PPP1R16B: variants seen among roughly 807,000 people sequenced by gnomAD.
PPP1R16B encodes the protein protein phosphatase 1 regulatory inhibitor subunit 16B.
PPP1R16B carries 14 observed loss-of-function variants against 61.7 expected under a neutral mutation model. The observed-to-expected ratio is 0.23, with a 90% confidence interval of 0.15 to 0.35. The LOEUF (loss-of-function observed/expected upper bound fraction) is 0.35. PPP1R16B is among the 10% of genes least tolerant of loss of function. PPP1R16B has a pLI of 1.00. For missense variants in PPP1R16B, 547 were observed against 752.5 expected, an observed-to-expected ratio of 0.73 and a Z score of 3.19; for synonymous variants, 266 against 305.3, an observed-to-expected ratio of 0.87 and a Z score of 1.34.
chr20:38,852,884 C>T (rs1311907366), intron 2 of PPP1R16B, among the ~76,000 whole-genome samples: 1 of 151,212 alleles, frequency 6.6e-6, no homozygotes, highest in Non-Finnish European at 1.5e-5. Context: ...AGTGATTTTC[C>T]TGTCTCCGTC....
chr20:38,894,285 C>T (rs867604484), intron 3 of PPP1R16B, among the ~76,000 whole-genome samples: 1 of 152,190 alleles, frequency 6.6e-6, no homozygotes, highest in Non-Finnish European at 1.5e-5. Flanking sequence ...CCTACACCCA[C>T]GCCCACAGCC....
At chr20:38,905,868 G>T in intron 6 of PPP1R16B, 101 bp from the exon 7 acceptor site, 2 of 1,195,718 alleles carry the variant, frequency 1.7e-6, no homozygotes, top group South Asian at 1.5e-5. Context: ...CATTCTACTG[G>T]CCCCAAGGAT....
intron 1 of PPP1R16B, among the ~76,000 whole-genome samples, chr20:38,820,284 C>T (rs978471834): frequency 1.3e-5 from 2 of 152,148 alleles, no homozygotes; most frequent in Non-Finnish European, 2.9e-5. Flanking sequence ...GCTGGCCGGG[C>T]GCAGTGGCTC....
chr20:38,878,068 G>A (rs1339574661), intron 2 of PPP1R16B, among the ~76,000 whole-genome samples: 4 of 146,428 alleles, frequency 2.7e-5, no homozygotes, highest in East Asian at 2.0e-4. Context: ...ATCTTGCTTC[G>A]TGATTTGTGG....
intron 2 of PPP1R16B, among the ~76,000 whole-genome samples, chr20:38,865,755 G>GCTT (rs1337321559): frequency 6.6e-6 from 1 of 152,164 alleles, no homozygotes; most frequent in African/African-American, 2.4e-5. Context: ...CGGGTCTCCT[G>GCTT]CTTCTGGTGT....
At chr20:38,815,008 A>G (rs2145704768) in intron 1 of PPP1R16B, among the ~76,000 whole-genome samples, 2 of 152,318 alleles carry the variant, frequency 1.3e-5, no homozygotes, top group Middle Eastern at 6.8e-3. Context: ...TTATAAAAAT[A>G]TAGGGAAGAT....
At chr20:38,900,786 C>G (rs2085386660) in intron 5 of PPP1R16B, 102 bp downstream of exon 5, 2 of 829,292 alleles carry the variant, frequency 2.4e-6, no homozygotes, top group Non-Finnish European at 3.6e-6. Flanking sequence ...ATCGGCCTGC[C>G]TCGTGCGCTG....
chr20:38,900,892 A>G (rs552006766), intron 5 of PPP1R16B, among the ~76,000 whole-genome samples: 1 of 152,246 alleles, frequency 6.6e-6, no homozygotes. Flanking sequence ...GCTGCGCAGA[A>G]GGGAGGTATT....
At chr20:38,828,056 T>C (rs2084814993) in intron 1 of PPP1R16B, among the ~76,000 whole-genome samples, 1 of 152,244 alleles carries the variant, frequency 6.6e-6, no homozygotes, top group Non-Finnish European at 1.5e-5. Context: ...CATTTCCTTT[T>C]AACAGTGTGA....
chr20:38,859,082 G>A (rs1339496243), intron 2 of PPP1R16B, among the ~76,000 whole-genome samples: 3 of 152,166 alleles, frequency 2.0e-5, no homozygotes, highest in Admixed American at 6.5e-5. Flanking sequence ...CTACCAAGCC[G>A]ACCCCGACTT....
At chr20:38,905,526 A>C (rs1349496779) in intron 6 of PPP1R16B, among the ~76,000 whole-genome samples, 1 of 152,204 alleles carries the variant, frequency 6.6e-6, no homozygotes, top group Non-Finnish European at 1.5e-5. Flanking sequence ...CAGAAATCAC[A>C]AACAGGATAT....
intron 2 of PPP1R16B, among the ~76,000 whole-genome samples, chr20:38,874,077 A>G (rs951026862): frequency 3.3e-5 from 5 of 152,132 alleles, no homozygotes; most frequent in African/African-American, 1.2e-4. Context: ...ACTCCATCCT[A>G]TTGGTGACAC....
intron 1 of PPP1R16B, among the ~76,000 whole-genome samples, chr20:38,813,791 T>C (rs998906787): frequency 6.8e-5 from 10 of 147,924 alleles, no homozygotes; most frequent in African/African-American, 1.7e-4. Context: ...TTATTATTAT[T>C]ATTATTATTA....
chr20:38,836,855 C>T (rs2084876148), intron 2 of PPP1R16B, among the ~76,000 whole-genome samples: 1 of 152,160 alleles, frequency 6.6e-6, no homozygotes. Context: ...AGGATTCCAG[C>T]CTTTGGCTGA....
intron 1 of PPP1R16B, among the ~76,000 whole-genome samples, chr20:38,834,885 G>C (rs1161283588): frequency 6.6e-6 from 1 of 151,986 alleles, no homozygotes. Flanking sequence ...AAAAAATTTA[G>C]TGAGAAAAGT....
intron 4 of PPP1R16B, among the ~76,000 whole-genome samples, chr20:38,898,200 A>T (rs535065138): frequency 6.6e-6 from 1 of 152,334 alleles, no homozygotes; most frequent in African/African-American, 2.4e-5. Flanking sequence ...ATTCTTTTGC[A>T]TGCGGATATC....
In PPP1R16B at chr20:38,902,648, T is replaced by C. The variant is rs1290820438; in HGVS notation, c.572-20T>C. 3 of 1,613,800 alleles carry C rather than the reference T, an allele frequency of 1.9e-6. No homozygotes were observed. In the African/African-American group the frequency reaches 4.0e-5, roughly 22 times the overall value. On this transcript the variant is annotated intron_variant, in intron 5 of 10. Coordinates refer to ENST00000299824, the MANE Select transcript of PPP1R16B (RefSeq NM_015568.4). ...CGTAGGCCTGAGGGTGCTAAATAAA[T>C]CCCCTCTTTCCCACTGCAGGCATCA...
chr20:38,888,147 C>T (rs1229436776), intron 2 of PPP1R16B, among the ~76,000 whole-genome samples: 1 of 152,240 alleles, frequency 6.6e-6, no homozygotes, highest in African/African-American at 2.4e-5. Context: ...ATGGCATGAA[C>T]CGTAGCGTGG....
rs912788332 is a variant in PPP1R16B, at chr20:38,806,621, A to C, written c.-102+829A>C. Among the ~76,000 whole-genome samples, 4 of 152,210 alleles carry C rather than the reference A, an allele frequency of 2.6e-5. No individual in the cohort carries two copies. The highest frequency in any genetic ancestry group is 5.9e-5 in the Non-Finnish European group (4 of 67,988). On this transcript the variant is annotated intron_variant, in intron 1 of 10. Transcript: ENST00000299824. This position sits in a 1 kb window ranked among gnomAD's most constrained non-coding sequence, Gnocchi z 4.5. ...CTCCCCAAGGTCACCCGGAGTGCCCAGGCTGAGCTGCCCAGACCGCCCCGG... is the reference window on the plus strand; with the variant it reads ...CTCCCCAAGGTCACCCGGAGTGCCCCGGCTGAGCTGCCCAGACCGCCCCGG...
Sources: allele counts gnomAD v4.1 joint callset (sites outside exome capture counted in the v4.1 genomes callset), GRCh38; gene constraint gnomAD v4.1.1; non-coding constraint Gnocchi (gnomAD v3.1); transcripts MANE v1.5; gene names NCBI Gene and HGNC (gene_info 2026-07-23, HGNC 2026-07-21).